The following LCK variants were observed in gnomAD, a reference collection of about 807,000 sequenced individuals.
LCK encodes tyrosine-protein kinase Lck.
A neutral mutation model predicts 64.6 loss-of-function variants in LCK; 14 were observed. The observed-to-expected ratio is 0.22, with a 90% CI of 0.14 to 0.34. LCK has a LOEUF of 0.34. LCK is among the 10% of genes least tolerant of loss of function. The probability of loss-of-function intolerance (pLI) is 1.00; values close to 1 mark genes in which losing one functional copy is unlikely to be tolerated. For missense variants in LCK, 434 were observed against 668.1 expected, an observed-to-expected ratio of 0.65 and a Z score of 3.86; for synonymous variants, 277 against 263.6, an observed-to-expected ratio of 1.05 and a Z score of -0.49.
intron 1 of LCK, among the ~76,000 whole-genome samples, chr1:32,252,223 GC>G: frequency 6.6e-6 from 1 of 152,244 alleles, no homozygotes; most frequent in South Asian, 2.1e-4. Flanking sequence ...CACCATTCCT[GC>G]CCCTGCCAAG....
At position 32,276,231 on chromosome 1, in the gene LCK, C is replaced by T; in HGVS notation, c.632-106C>T. ...TGTTTGGGTGACAGCCCCACACCCC[C>T]TTGCTAGTCCACTTCACCTAGATGG... is the stretch of plus-strand genomic sequence containing the variant. On this transcript the variant is annotated intron_variant, in intron 7 of 12. Coordinates refer to ENST00000336890, the MANE Select transcript of LCK (RefSeq NM_005356.5). This position sits in a 1 kb window ranked among gnomAD's most constrained non-coding sequence, Gnocchi z 4.6. 6.8e-7 allele frequency: 1 copy of T among 1,477,708 alleles called. No homozygotes were observed. Among genetic ancestry groups the T allele is most frequent in the Non-Finnish European group, 9.0e-7 (1 of 1,106,950 alleles). 91.5% of individuals were successfully genotyped at this position (1,477,708 alleles called of 1,614,324 possible).
At chr1:32,264,961 C>T (rs2124325279) in intron 1 of LCK, among the ~76,000 whole-genome samples, 1 of 152,070 alleles carries the variant, frequency 6.6e-6, no homozygotes, top group South Asian at 2.1e-4. Flanking sequence ...AATCTCAGCA[C>T]TTTGGGAGGC....
Position 32,275,982 on chromosome 1 carries a change from C to G in LCK, c.550C>G (p.Arg184Gly). Residue 184 changes from arginine to glycine, a missense_variant, in exon 7 of 13, where the codon CGT becomes GGT. Around this residue, in one of 2 missense-constraint regions of LCK, gnomAD observed 233 missense variants for 291.2 expected, o/e 0.80. Coordinates refer to ENST00000336890, the MANE Select transcript of LCK (RefSeq NM_005356.5). This position sits in a 1 kb window ranked among gnomAD's most constrained non-coding sequence, Gnocchi z 6.9. The part of the protein sequence containing the change: ...QGEVVKHYKI[R>G]NLDNGGFYIS... The stretch of plus-strand genomic sequence containing the variant: ...AGAGGTGGTGAAACATTACAAGATC[C>G]GTAATCTGGACAACGGTGGCTTCTA... 6.2e-7 allele frequency: 1 copy of G among 1,614,146 alleles called. No individual in the cohort carries two copies. The highest frequency in any genetic ancestry group is 8.5e-7 in the Non-Finnish European group (1 of 1,180,004).
At chr1:32,283,540 G>A (rs1458633208) in intron 12 of LCK, among the ~76,000 whole-genome samples, 3 of 152,166 alleles carry the variant, frequency 2.0e-5, no homozygotes, top group African/African-American at 7.2e-5. Flanking sequence ...AGGGAGCTAT[G>A]TTACTGCTGT....
At chr1:32,272,932 G>A (rs1640145051) in intron 1 of LCK, among the ~76,000 whole-genome samples, 1 of 148,658 alleles carries the variant, frequency 6.7e-6, no homozygotes, top group Non-Finnish European at 1.5e-5. Context: ...GTGTATGAAT[G>A]TGTGTTGGGG....
chr1:32,263,443 AAAT>A (rs1434396107), intron 1 of LCK, among the ~76,000 whole-genome samples: 6 of 113,920 alleles, frequency 5.3e-5, no homozygotes, highest in Non-Finnish European at 7.9e-5. Flanking sequence ...ATAAATAAAT[AAAT>A]AAAAATTAGA....
In LCK at chr1:32,274,618, A is replaced by G. The variant is rs1283260483; in HGVS notation, c.106-119A>G. 7.2e-6 allele frequency: 7 copies of G among 970,764 alleles called. No individual in the cohort carries two copies. The East Asian group carries it at 1.5e-4, about 21-fold the overall frequency. 60.1% of individuals were successfully genotyped at this position (970,764 alleles called of 1,614,324 possible). A position where few individuals can be genotyped will look rare whatever the true frequency, so the allele number is the denominator to read the frequency against. On this transcript the variant is annotated intron_variant, in intron 2 of 12. Transcript: ENST00000336890. ...TAAGATCACACAGAAAGTAGTTGGT[A>G]AACTCAGGGATAACATCTAACCAGG...
chr1:32,280,176 G>A lies in LCK; in HGVS notation c.1293G>A (p.Thr431=), dbSNP rs375815167. ...SDVWSFGILL[T]EIVTHGRIPY... is the part of the protein sequence containing the mutation. ...TGTGGTCTTTTGGGATCCTGCTGAC[G>A]GAAATTGTCACCCACGGCCGCATCC... The change falls in exon 12 of 13, where the codon ACG becomes ACA. Residue 431 remains threonine (T), a synonymous_variant. Transcript: ENST00000336890. 6.2e-6 allele frequency: 10 copies of A among 1,613,956 alleles called. No homozygotes were observed. The highest frequency in any genetic ancestry group is 1.7e-5 in the Admixed American group (1 of 59,978).
chr1:32,278,147 C>G (rs961639773), intron 9 of LCK, among the ~76,000 whole-genome samples: 11 of 152,156 alleles, frequency 7.2e-5, no homozygotes, highest in Admixed American at 7.2e-4. Context: ...CCACTGCACT[C>G]CAACCTGGGT....
In LCK at chr1:32,275,602, G is replaced by C. The variant is rs746182093; in HGVS notation, c.411G>C (p.Ala137=). 4 of 1,574,196 alleles carry C rather than the reference G, an allele frequency of 2.5e-6. No homozygotes were observed. In the South Asian group the frequency reaches 3.5e-5, roughly 14 times the overall value. Residue 137 remains alanine (A), a synonymous_variant, in exon 6 of 13, where the codon GCG becomes GCC. Transcript: ENST00000336890. The surrounding 1 kb of genome is among the most constrained non-coding windows in gnomAD (Gnocchi z 6.9). ...TCAAGAACCTGAGCCGCAAGGACGC[G>C]GAGCGGCAGCTCCTGGCGCCCGGGA... ...WFFKNLSRKD[A]ERQLLAPGNT... is the part of the protein sequence containing the mutation.
chr1:32,281,401 A>G (rs1640455301), intron 12 of LCK, among the ~76,000 whole-genome samples: 1 of 151,124 alleles, frequency 6.6e-6, no homozygotes, highest in Non-Finnish European at 1.5e-5. Context: ...TTGAGGGTGC[A>G]GTGAGCCATG....
chr1:32,266,307 A>G (rs1429126680), intron 1 of LCK, among the ~76,000 whole-genome samples: 4 of 151,502 alleles, frequency 2.6e-5, no homozygotes, highest in Non-Finnish European at 5.9e-5. Flanking sequence ...CCTGGCTAAC[A>G]TGGTGAAACC....
chr1:32,254,889 C>T (rs1003624126), intron 1 of LCK, among the ~76,000 whole-genome samples: 8 of 152,264 alleles, frequency 5.3e-5, no homozygotes, highest in Non-Finnish European at 1.2e-4. Flanking sequence ...TGGCTCGCAC[C>T]TGTAATCCTA....
chr1:32,274,819 GTGACCCCAGGCAGCAGGGCC>G lies in LCK; in HGVS notation c.187+5_187+24del. Reference sequence around the variant, plus strand: ...AATCCGCCGGCTTCCCCACTGCAAGGTGACCCCAGGCAGCAGGGCCTGAAAGACAAGGCCTGCGGATCCCT... The same window carrying G: ...AATCCGCCGGCTTCCCCACTGCAAGGTGAAAGACAAGGCCTGCGGATCCCT... On this transcript the variant is annotated splice_donor_variant and splice_donor_5th_base_variant and intron_variant, in intron 3 of 12. Coordinates refer to ENST00000336890, the MANE Select transcript of LCK (RefSeq NM_005356.5). LOFTEE classifies it high-confidence loss of function. The G allele has an allele frequency of 1.9e-6, 3 of 1,614,022 alleles. No individual in the cohort carries two copies. In the South Asian group the frequency reaches 3.3e-5, roughly 18 times the overall value.
chr1:32,274,726 C>A lies in LCK; in HGVS notation c.106-11C>A. The A allele has an allele frequency of 6.4e-7, 1 of 1,566,084 alleles. No individual in the cohort carries two copies. The highest frequency in any genetic ancestry group is 8.7e-7 in the Non-Finnish European group (1 of 1,152,776). ...TGCTTTCTGACCCCACCCTCATCCCCCACTCCACAGCTGCTCATCCGAAAT... is the reference window on the plus strand; with the variant it reads ...TGCTTTCTGACCCCACCCTCATCCCACACTCCACAGCTGCTCATCCGAAAT... On this transcript the variant is annotated splice_polypyrimidine_tract_variant and intron_variant, in intron 2 of 12. Coordinates refer to ENST00000336890, the MANE Select transcript of LCK (RefSeq NM_005356.5).
At chr1:32,281,459 CAA>C (rs1218686624) in intron 12 of LCK, among the ~76,000 whole-genome samples, 14 of 60,948 alleles carry the variant, frequency 2.3e-4, no homozygotes, top group South Asian at 1.1e-3. Context: ...GAATTTGTCT[CAA>C]AAAAAAAAAA....
chr1:32,253,678 A>G (rs1206594811), intron 1 of LCK, among the ~76,000 whole-genome samples: 1 of 152,182 alleles, frequency 6.6e-6, no homozygotes, highest in Non-Finnish European at 1.5e-5. Context: ...ATGCCCACTC[A>G]GCACCTTGGT....
At chr1:32,274,858 G>T in intron 3 of LCK, 40 bp downstream of exon 3, 1 of 1,613,898 alleles carries the variant, frequency 6.2e-7, no homozygotes. Context: ...AAGGCCTGCG[G>T]ATCCCTGGCT....
In LCK at chr1:32,274,665, C is replaced by CA. The variant is rs1261808267; in HGVS notation, c.106-71dup. 5.6e-6 allele frequency: 7 copies of CA among 1,258,516 alleles called. No individual in the cohort carries two copies. In the African/African-American group the frequency reaches 9.0e-5, roughly 16 times the overall value. The allele number at this position is 1,258,516 out of a possible 1,614,324, so 78.0% of individuals were successfully genotyped here. A position where few individuals can be genotyped will look rare whatever the true frequency, so the allele number is the denominator to read the frequency against. On this transcript the variant is annotated intron_variant, in intron 2 of 12. Transcript: ENST00000336890. ...CAGGCTGGAGAGGCTGAGAGCAGAG[C>CA]AGGGGGGAAGGGGGCCAGGGTCTGA...
Sources: allele counts gnomAD v4.1 joint callset (sites outside exome capture counted in the v4.1 genomes callset), GRCh38; gene constraint gnomAD v4.1.1; regional missense constraint gnomAD v4.1.1; non-coding constraint Gnocchi (gnomAD v3.1); transcripts MANE v1.5; gene names NCBI Gene and HGNC (gene_info 2026-07-23, HGNC 2026-07-21).